CNTN1: variants seen among roughly 807,000 people sequenced by gnomAD.
The protein encoded by CNTN1 is contactin-1.
Under a neutral mutation model 126.4 loss-of-function variants are expected in CNTN1, and 38 were observed. The ratio of observed to expected loss-of-function variants is 0.30; its 90% CI spans 0.23 to 0.39. The LOEUF (loss-of-function observed/expected upper bound fraction) is 0.39. CNTN1 is among the 10% of genes least tolerant of loss of function. The pLI, the probability that CNTN1 is intolerant of heterozygous loss-of-function variation, is 1.00. For synonymous variants in CNTN1, 413 were observed against 422.6 expected (o/e 0.98, Z 0.28); for missense variants, 1,009 against 1,248.4 (o/e 0.81, Z 2.89).
chr12:40,792,292 C>T (rs1940247767), intron 1 of CNTN1, among the ~76,000 whole-genome samples: 1 of 152,018 alleles, frequency 6.6e-6, no homozygotes, highest in Non-Finnish European at 1.5e-5. Context: ...CCTTGAACCA[C>T]ACATGTTGAC....
In CNTN1 at chr12:40,719,993, C is replaced by A. The variant is rs570782061; in HGVS notation, c.-77+27401C>A. On this transcript the variant is annotated intron_variant, in intron 1 of 23. Coordinates refer to ENST00000551295, the MANE Select transcript of CNTN1 (RefSeq NM_001843.4). Reference sequence around the variant, plus strand: ...GCTGGGATTACAGGCGCATGCACCACGCCCGGTTAATTTTTTTTTTTTTTT... The same window carrying A: ...GCTGGGATTACAGGCGCATGCACCAAGCCCGGTTAATTTTTTTTTTTTTTT... Among the ~76,000 whole-genome samples, 3 of 150,998 alleles carry A rather than the reference C, an allele frequency of 2.0e-5. No individual in the cohort carries two copies. In the South Asian group the frequency reaches 6.3e-4, roughly 32 times the overall value.
At chr12:41,031,593 C>A (rs1474652303) in intron 23 of CNTN1, among the ~76,000 whole-genome samples, 1 of 152,124 alleles carries the variant, frequency 6.6e-6, no homozygotes, top group Non-Finnish European at 1.5e-5. Flanking sequence ...TTGATTTCAG[C>A]ATACCACAGC....
intron 10 of CNTN1, among the ~76,000 whole-genome samples, chr12:40,937,121 C>G (rs2136930662): frequency 6.6e-6 from 1 of 152,172 alleles, no homozygotes; most frequent in Middle Eastern, 3.4e-3. Context: ...CTCTCTCTCT[C>G]TCCTTATTTT....
At chr12:41,063,208 A>G (rs1949975926) in intron 23 of CNTN1, among the ~76,000 whole-genome samples, 1 of 152,258 alleles carries the variant, frequency 6.6e-6, no homozygotes, top group African/African-American at 2.4e-5. Flanking sequence ...CAGTAGCTAA[A>G]GAGAGCACTT....
At chr12:41,004,952 G>A (rs1948454301) in intron 17 of CNTN1, 1 of 152,212 alleles carries the variant, frequency 6.6e-6, no homozygotes, top group African/African-American at 2.4e-5. Flanking sequence ...GTTGATATGT[G>A]TGGATTTTAC....
chr12:41,024,120 C>T (rs1180621048), intron 20 of CNTN1, among the ~76,000 whole-genome samples: 2 of 152,092 alleles, frequency 1.3e-5, no homozygotes, highest in African/African-American at 4.8e-5. Context: ...ACACATAAAC[C>T]TCACTTTTGT....
intron 1 of CNTN1, among the ~76,000 whole-genome samples, chr12:40,886,889 A>G (rs758125218): frequency 3.9e-5 from 6 of 152,142 alleles, no homozygotes; most frequent in Non-Finnish European, 8.8e-5. Flanking sequence ...GATATGTGGC[A>G]TTAATTCTGA....
intron 1 of CNTN1, among the ~76,000 whole-genome samples, chr12:40,877,942 C>T (rs1943725032): frequency 6.6e-6 from 1 of 150,784 alleles, no homozygotes. Flanking sequence ...AGTCCCCATC[C>T]TGCTATCTTC....
At chr12:40,698,228 ATTTTTTTTT>A (rs35570862) in intron 1 of CNTN1, among the ~76,000 whole-genome samples, 2 of 69,864 alleles carry the variant, frequency 2.9e-5, no homozygotes, top group East Asian at 4.5e-4. Context: ...CAGCCACTTA[ATTTTTTTTT>A]TTTTTTTTTT....
intron 1 of CNTN1, among the ~76,000 whole-genome samples, chr12:40,816,205 G>C (rs1489091706): frequency 2.0e-5 from 3 of 152,118 alleles, no homozygotes; most frequent in African/African-American, 7.2e-5. Flanking sequence ...CAATTGTTTG[G>C]AATAGTTTCA....
chr12:40,827,920 G>A (rs935844495), intron 1 of CNTN1: 1 of 151,990 alleles, frequency 6.6e-6, no homozygotes, highest in Non-Finnish European at 1.5e-5. Flanking sequence ...AGAATGACAG[G>A]GTTTGTGAAG....
At chr12:41,022,491 G>A (rs756520707) in intron 20 of CNTN1, among the ~76,000 whole-genome samples, 66 of 152,186 alleles carry the variant, frequency 4.3e-4, no homozygotes, top group Non-Finnish European at 2.8e-4. Context: ...AAGTGAGAAA[G>A]TAACCACTGC....
chr12:40,861,780 T>C (rs959190889), intron 1 of CNTN1, among the ~76,000 whole-genome samples: 2 of 152,202 alleles, frequency 1.3e-5, no homozygotes, highest in Non-Finnish European at 2.9e-5. Flanking sequence ...CACTTTTGAA[T>C]AATATTATGC....
intron 4 of CNTN1, among the ~76,000 whole-genome samples, chr12:40,919,753 C>T (rs938472129): frequency 6.6e-6 from 1 of 152,068 alleles, no homozygotes; most frequent in Non-Finnish European, 1.5e-5. Context: ...AATTTAGATA[C>T]AAAATCACCA....
chr12:40,716,032 C>G (rs1460205408), intron 1 of CNTN1, among the ~76,000 whole-genome samples: 1 of 152,028 alleles, frequency 6.6e-6, no homozygotes, highest in African/African-American at 2.4e-5. Context: ...TTCTTTATGT[C>G]AGGCACTACA....
chr12:40,891,911 A>G (rs1944252077), intron 1 of CNTN1, among the ~76,000 whole-genome samples: 1 of 152,102 alleles, frequency 6.6e-6, no homozygotes, highest in Admixed American at 6.5e-5. Context: ...ATCACTGTCA[A>G]TGTAAACAAA....
At chr12:40,837,675 G>A (rs1942113436) in intron 1 of CNTN1, among the ~76,000 whole-genome samples, 1 of 152,180 alleles carries the variant, frequency 6.6e-6, no homozygotes, top group African/African-American at 2.4e-5. Context: ...GGGAAACTTG[G>A]GCTGTCCCTG....
intron 15 of CNTN1, among the ~76,000 whole-genome samples, chr12:40,961,206 T>A (rs182546898): frequency 2.6e-5 from 4 of 152,138 alleles, no homozygotes; most frequent in Admixed American, 2.6e-4. Flanking sequence ...TACAGGTACA[T>A]GAAAATACTG....
At chr12:40,732,495 T>C (rs1025687287) in intron 1 of CNTN1, among the ~76,000 whole-genome samples, 1 of 152,058 alleles carries the variant, frequency 6.6e-6, no homozygotes, top group Non-Finnish European at 1.5e-5. Context: ...TGTCAAATAA[T>C]TATGTAGACC....
Sources: allele counts gnomAD v4.1 joint callset (sites outside exome capture counted in the v4.1 genomes callset), GRCh38; gene constraint gnomAD v4.1.1; transcripts MANE v1.5; gene names NCBI Gene and HGNC (gene_info 2026-07-23, HGNC 2026-07-21).